The following NPAS3 variants were observed in gnomAD, a reference collection of about 807,000 sequenced individuals.
NPAS3 encodes the protein neuronal PAS domain-containing protein 3.
Under a neutral mutation model 73.1 loss-of-function variants are expected in NPAS3, and 14 were observed. The ratio of observed to expected loss-of-function variants is 0.19; its 90% CI spans 0.13 to 0.30. The LOEUF is 0.30. Among genes scored for constraint, NPAS3 ranks in the 10% least tolerant of loss-of-function variants. NPAS3 has a pLI of 1.00. For missense variants in NPAS3, 1,096 were observed against 1,250.0 expected, an observed-to-expected ratio of 0.88 and a Z score of 1.86; for synonymous variants, 620 against 541.5, an observed-to-expected ratio of 1.14 and a Z score of -2.01.
chr14:33,206,272 A>G (rs1354001230), intron 2 of NPAS3, among the ~76,000 whole-genome samples: 2 of 152,170 alleles, frequency 1.3e-5, no homozygotes, highest in East Asian at 3.9e-4. Flanking sequence ...GCCATCTCCA[A>G]CCATCATTGG....
chr14:33,803,991 CA>C (rs2063776089), downstream of NPAS3: 1 of 152,194 alleles, frequency 6.6e-6, no homozygotes, highest in South Asian at 2.1e-4. Context: ...TATTTTGAAA[CA>C]TTTTTTTTCA....
At chr14:33,576,070 G>A (rs2139846857) in intron 5 of NPAS3, among the ~76,000 whole-genome samples, 1 of 152,158 alleles carries the variant, frequency 6.6e-6, no homozygotes, top group Admixed American at 6.5e-5. Flanking sequence ...AATGTGTAAA[G>A]TAAGCCATGA....
intron 2 of NPAS3, among the ~76,000 whole-genome samples, chr14:33,209,507 C>T (rs1056001403): frequency 9.2e-5 from 14 of 152,144 alleles, no homozygotes; most frequent in South Asian, 2.1e-4. Context: ...CAGTTAACTA[C>T]GACCAGAGAT....
upstream of NPAS3, among the ~76,000 whole-genome samples, chr14:32,939,043 G>C (rs1299214754): frequency 6.9e-6 from 1 of 145,632 alleles, no homozygotes; most frequent in Admixed American, 6.8e-5. Context: ...CCGGCGGCGC[G>C]AGGGGACGGC....
At chr14:33,315,792 A>G (rs1212356472) in intron 3 of NPAS3, among the ~76,000 whole-genome samples, 1 of 152,022 alleles carries the variant, frequency 6.6e-6, no homozygotes, top group African/African-American at 2.4e-5. Context: ...AGATCCATAA[A>G]TGAATGAGAG....
chr14:33,605,840 T>C (rs2057541549), intron 5 of NPAS3, among the ~76,000 whole-genome samples: 1 of 139,574 alleles, frequency 7.2e-6, no homozygotes, highest in South Asian at 2.3e-4. Context: ...AAAATTCTAG[T>C]AGACTTTTTT....
chr14:33,198,262 G>GC (rs768075540), intron 2 of NPAS3, among the ~76,000 whole-genome samples: 6 of 151,194 alleles, frequency 4.0e-5, no homozygotes, highest in Non-Finnish European at 7.4e-5. Flanking sequence ...CAAGCAGTTT[G>GC]CCCCTGCTGG....
At chr14:33,089,423 A>G (rs2042147905) in intron 2 of NPAS3, among the ~76,000 whole-genome samples, 1 of 152,202 alleles carries the variant, frequency 6.6e-6, no homozygotes, top group Non-Finnish European at 1.5e-5. Context: ...AATGAATGAA[A>G]TGAAGTGAGA....
intron 3 of NPAS3, among the ~76,000 whole-genome samples, chr14:33,257,503 T>G (rs146881745): frequency 1.8e-4 from 28 of 152,318 alleles, no homozygotes; most frequent in African/African-American, 6.7e-4. Flanking sequence ...ATTCAGTAAG[T>G]CTAAGGAGTT....
At chr14:33,673,604 C>T (rs551825561) in intron 5 of NPAS3, among the ~76,000 whole-genome samples, 3 of 152,336 alleles carry the variant, frequency 2.0e-5, no homozygotes, top group South Asian at 2.1e-4. Flanking sequence ...ATTTCTTCTG[C>T]ATAGTTTCAC....
chr14:33,263,810 G>A (rs1391247461), intron 3 of NPAS3, among the ~76,000 whole-genome samples: 1 of 152,104 alleles, frequency 6.6e-6, no homozygotes, highest in African/African-American at 2.4e-5. Flanking sequence ...GCAGTGGTTT[G>A]TAGTTCTCCT....
At chr14:33,556,351 G>A (rs1157727617) in intron 4 of NPAS3, among the ~76,000 whole-genome samples, 1 of 152,116 alleles carries the variant, frequency 6.6e-6, no homozygotes, top group East Asian at 1.9e-4. Flanking sequence ...AATATCAGGA[G>A]GTATCCCAGA....
At chr14:33,368,200 A>C (rs1594780804) in intron 4 of NPAS3, among the ~76,000 whole-genome samples, 1 of 152,132 alleles carries the variant, frequency 6.6e-6, no homozygotes, top group Non-Finnish European at 1.5e-5. Context: ...CAGAGTTTAT[A>C]AACAGGGCCT....
intron 4 of NPAS3, among the ~76,000 whole-genome samples, chr14:33,534,874 A>G (rs12896204): frequency 0.012 from 1,795 of 151,568 alleles, 15 homozygotes; most frequent in Non-Finnish European, 0.02. Flanking sequence ...ATGATCACTC[A>G]CAGTGGGAAT....
chr14:33,065,659 T>G (rs1038317016), intron 2 of NPAS3, among the ~76,000 whole-genome samples: 1 of 152,074 alleles, frequency 6.6e-6, no homozygotes, highest in Non-Finnish European at 1.5e-5. Context: ...TAAATCCTAA[T>G]TTCCCTGTCC....
At chr14:33,631,715 C>T (rs575592328) in intron 5 of NPAS3, among the ~76,000 whole-genome samples, 33 of 152,282 alleles carry the variant, frequency 2.2e-4, no homozygotes, top group African/African-American at 7.2e-4. Context: ...GCCTGAATAA[C>T]CCTGGCATGG....
intron 3 of NPAS3, among the ~76,000 whole-genome samples, chr14:33,222,600 A>G (rs2047473541): frequency 6.6e-6 from 1 of 152,196 alleles, no homozygotes; most frequent in South Asian, 2.1e-4. Context: ...GTTTCTTTAC[A>G]TGCCTGTCTC....
At chr14:33,213,279 T>C (rs760627937) in intron 2 of NPAS3, among the ~76,000 whole-genome samples, 3 of 152,174 alleles carry the variant, frequency 2.0e-5, no homozygotes, top group Non-Finnish European at 2.9e-5. Flanking sequence ...TGGAGTAGTA[T>C]TTAATTGCAA....
chr14:33,674,887 C>T lies in NPAS3; in HGVS notation c.559-1324C>T, dbSNP rs982744661. ...CTGGGAGTAGATGTGATCATATTAC[C>T]GGGACTTGGAGTTCTGGGGACAAGA... On this transcript the variant is annotated intron_variant, in intron 5 of 11. Coordinates refer to ENST00000356141, the Ensembl canonical transcript of NPAS3. 5.3e-5 allele frequency among the ~76,000 whole-genome samples: 8 copies of T among 152,156 alleles called. No individual in the cohort carries two copies. The South Asian group carries it at 1.0e-3, about 20-fold the overall frequency.
Sources: gnomAD v4.1 joint callset for allele counts (sites outside exome capture counted in the v4.1 genomes callset) on GRCh38, gnomAD v4.1.1 for gene constraint, MANE v1.5 for transcripts, NCBI Gene and HGNC (gene_info 2026-07-23, HGNC 2026-07-21) for gene names.